DSC1: variants seen among roughly 807,000 people sequenced by gnomAD.
The protein encoded by DSC1 is desmocollin-1.
DSC1 carries 79 observed loss-of-function variants against 98.8 expected under a neutral mutation model. That is an observed-to-expected ratio of 0.80 (90% CI 0.67 to 0.96). DSC1 has a LOEUF of 0.96. Ranked by LOEUF, DSC1 falls within the 50% of genes least tolerant of loss-of-function variation. The pLI, the probability that DSC1 is intolerant of heterozygous loss-of-function variation, is 0.00. For synonymous variants in DSC1, 405 were observed against 372.1 expected (o/e 1.09, Z -1.02); for missense variants, 1,115 against 1,075.9 (o/e 1.04, Z -0.51).
intron 13 of DSC1, 140 bp from the exon 14 acceptor site, chr18:31,132,829 T>C (rs1339391984): frequency 8.2e-6 from 6 of 728,200 alleles, no homozygotes; most frequent in Non-Finnish European, 1.3e-5. Context: ...AAAAACAGAA[T>C]ATTTTAAAAA....
chr18:31,143,756 T>A lies in DSC1; in HGVS notation c.975A>T (p.Arg325=), dbSNP rs368296703. 6.2e-7 allele frequency: 1 copy of A among 1,601,846 alleles called. No individual in the cohort carries two copies. Among genetic ancestry groups the A allele is most frequent in the African/African-American group, 1.3e-5 (1 of 74,602 alleles). ...AACCGAAAGGCTGACCACCCATGTC[T>A]CGCACTTCCATTATTAACTGGTAAG... is the stretch of plus-strand genomic sequence containing the variant. The part of the protein sequence containing the change: ...CDTYQLIMEV[R]DMGGQPFGLF... The change falls in exon 8 of 16, where the codon CGA becomes CGT. Residue 325 remains arginine (R), a synonymous_variant. Transcript: ENST00000257198.
Position 31,130,052 on chromosome 18 carries a change from C to G in DSC1, c.*462G>C, listed in dbSNP as rs1002382865. On this transcript the variant is annotated 3_prime_UTR_variant, in exon 16 of 16. Transcript: ENST00000257198. ...GAATACTTAAAAGTCCTTTTTAAAC[C>G]ACTCAGGTGGAGAGAATGCAATTAT... 6.3e-6 allele frequency: 1 copy of G among 158,382 alleles called. No individual in the cohort carries two copies. The highest frequency in any genetic ancestry group is 1.4e-5 in the Non-Finnish European group (1 of 71,728). 9.8% of individuals were successfully genotyped at this position (158,382 alleles called of 1,614,324 possible). A position where few individuals can be genotyped will look rare whatever the true frequency, so the allele number is the denominator to read the frequency against.
At chr18:31,136,979 A>T (rs1410564990) in intron 11 of DSC1, among the ~76,000 whole-genome samples, 2 of 152,212 alleles carry the variant, frequency 1.3e-5, no homozygotes, top group Non-Finnish European at 2.9e-5. Flanking sequence ...ATAAGCAAAC[A>T]TCAAGTATAA....
chr18:31,153,660 T>G (rs1331189193), intron 5 of DSC1, among the ~76,000 whole-genome samples: 1 of 152,200 alleles, frequency 6.6e-6, no homozygotes, highest in African/African-American at 2.4e-5. Context: ...CTCCTTAGGA[T>G]AAATTATAAG....
chr18:31,157,894 AT>A (rs1488038063), intron 2 of DSC1, among the ~76,000 whole-genome samples: 6 of 152,048 alleles, frequency 3.9e-5, no homozygotes, highest in African/African-American at 1.2e-4. Context: ...TACAAACTTG[AT>A]TTTTTATGTC....
chr18:31,150,141 T>TGC (rs1988935729), intron 5 of DSC1, among the ~76,000 whole-genome samples: 1 of 34,078 alleles, frequency 2.9e-5, no homozygotes, highest in Non-Finnish European at 6.4e-5. Context: ...ATTATCACCA[T>TGC]TATCATCGCA....
intron 7 of DSC1, among the ~76,000 whole-genome samples, chr18:31,145,089 G>A (rs938372911): frequency 2.6e-5 from 4 of 151,858 alleles, no homozygotes; most frequent in Non-Finnish European, 4.4e-5. Flanking sequence ...ACAGGCGCCC[G>A]CCACCAAGCC....
Position 31,131,620 on chromosome 18 carries a change from T to G in DSC1, c.2461A>C (p.Ser821Arg), listed in dbSNP as rs370393725. Residue 821 changes from serine (S) to arginine (R), a missense_variant, in exon 15 of 16, where the codon AGT (serine) becomes CGT (arginine). By Grantham distance (110) the Ser-to-Arg change is moderately radical. Transcript: ENST00000257198. ...TCGCCAAGCCGAGGTTGGGTGAAAC[T>G]CTGCCAGTCCGTGTACGCATATCTG... Reference protein sequence around the residue: ...TGRYAYTDWQSFTQPRLGEKV... With the variant: ...TGRYAYTDWQRFTQPRLGEKV... The G allele has an allele frequency of 1.2e-5, 20 of 1,613,958 alleles. No homozygotes were observed. Among genetic ancestry groups the G allele is most frequent in the Non-Finnish European group, 1.6e-5 (19 of 1,179,970 alleles).
At chr18:31,133,612 C>G (rs940870243) in intron 13 of DSC1, among the ~76,000 whole-genome samples, 6 of 151,950 alleles carry the variant, frequency 3.9e-5, no homozygotes, top group Non-Finnish European at 7.4e-5. Flanking sequence ...CTTCATTTTA[C>G]ACATGGAAAA....
chr18:31,157,949 T>G (rs897013101), intron 2 of DSC1, among the ~76,000 whole-genome samples: 1 of 152,188 alleles, frequency 6.6e-6, no homozygotes, highest in Admixed American at 6.5e-5. Flanking sequence ...TTGAACTTTT[T>G]GCAGTAGTTT....
rs758525190 is a variant in DSC1 at position 31,130,583 on chromosome 18, C to T, written c.2616G>A (p.Glu872=). The T allele has an allele frequency of 1.1e-5, 17 of 1,614,030 alleles. No homozygotes were observed. Among genetic ancestry groups the T allele is most frequent in the Non-Finnish European group, 1.4e-5 (16 of 1,180,036 alleles). Residue 872 remains glutamate (E), a synonymous_variant, in exon 16 of 16, where the codon GAG becomes GAA. Transcript: ENST00000257198. ...VGCCSDRQEE[E]GLEFLDHLEP... The stretch of plus-strand genomic sequence containing the variant: ...CCAGGTGATCTAGAAACTCCAGTCC[C>T]TCTTCTTCCTGCCGATCGCTGCAGC...
At chr18:31,159,909 A>T (rs1190640851) in intron 1 of DSC1, among the ~76,000 whole-genome samples, 3 of 152,216 alleles carry the variant, frequency 2.0e-5, no homozygotes, top group Non-Finnish European at 2.9e-5. Flanking sequence ...AATTACATAT[A>T]TGCCCTAATT....
chr18:31,154,743 T>C, intron 5 of DSC1, 31 bp downstream of exon 5: 2 of 1,536,562 alleles, frequency 1.3e-6, no homozygotes, highest in South Asian at 2.5e-5. Context: ...AATAAAGATA[T>C]AATTATGAAT....
At position 31,133,978 on chromosome 18, in the gene DSC1, C is replaced by G; in HGVS notation, c.2029G>C (p.Asp677His). 1 of 1,613,334 alleles carries G rather than the reference C, an allele frequency of 6.2e-7. No homozygotes were observed. The highest frequency in any genetic ancestry group is 8.5e-7 in the Non-Finnish European group (1 of 1,179,608). ...CSTPSECRMK[D>H]KSTRDVRPNV... Reference sequence around the variant, plus strand: ...GGTCTAACGTCTCTTGTACTTTTATCCTTCATTCTACACTCAGATGGAGTT... The same window carrying G: ...GGTCTAACGTCTCTTGTACTTTTATGCTTCATTCTACACTCAGATGGAGTT... Residue 677 changes from aspartate (D) to histidine (H), a missense_variant, in exon 13 of 16, where the codon GAT becomes CAT. Physicochemically the swap from Asp to His is moderately conservative, Grantham distance 81 (BLOSUM62 -1). Coordinates refer to ENST00000257198, the MANE Select transcript of DSC1 (RefSeq NM_024421.2).
chr18:31,134,244 C>CTT (rs60325074), intron 12 of DSC1, 114 bp from the exon 13 acceptor site: 232 of 1,080,578 alleles, frequency 2.1e-4, no homozygotes, highest in African/African-American at 1.6e-3. Context: ...TCGAATTTTT[C>CTT]TTTTTTTTTT....
At chr18:31,149,246 T>G (rs2144945168) in intron 5 of DSC1, among the ~76,000 whole-genome samples, 1 of 152,344 alleles carries the variant, frequency 6.6e-6, no homozygotes. Flanking sequence ...CCTTATGTGG[T>G]TTGTGCATAG....
At position 31,162,714 on chromosome 18, in the gene DSC1, T is replaced by C; in HGVS notation, c.-120A>G. ...TATTCTGCTGCCACCTTGATGCAGC[T>C]GAGCTTGGTTTGGAAGACAGTCCGG... On this transcript the variant is annotated 5_prime_UTR_variant, in exon 1 of 16. Transcript: ENST00000257198. 1.2e-6 allele frequency: 1 copy of C among 828,862 alleles called. No individual in the cohort carries two copies. Among genetic ancestry groups the C allele is most frequent in the Non-Finnish European group, 2.0e-6 (1 of 502,248 alleles). 51.3% of individuals were successfully genotyped at this position (828,862 alleles called of 1,614,324 possible).
At chr18:31,159,275 G>A (rs923410691) in intron 2 of DSC1, among the ~76,000 whole-genome samples, 170 bp downstream of exon 2, 7 of 147,816 alleles carry the variant, frequency 4.7e-5, no homozygotes, top group Admixed American at 1.4e-4. Flanking sequence ...GGATGGTCTC[G>A]ATCTCCTGAC....
At chr18:31,142,416 C>T (rs1988757045) in intron 8 of DSC1, among the ~76,000 whole-genome samples, 1 of 152,136 alleles carries the variant, frequency 6.6e-6, no homozygotes, top group South Asian at 2.1e-4. Context: ...TTCTGAACTT[C>T]TCTGAGATAA....
Sources: allele counts gnomAD v4.1 joint callset (sites outside exome capture counted in the v4.1 genomes callset), GRCh38; gene constraint gnomAD v4.1.1; transcripts MANE v1.5; gene names NCBI Gene and HGNC (gene_info 2026-07-23, HGNC 2026-07-21).